The following AOC2 variants were observed in gnomAD, a reference collection of about 807,000 sequenced individuals.
The protein encoded by AOC2 is amine oxidase [copper-containing] 2.
AOC2 carries 57 observed loss-of-function variants against 53.8 expected under a neutral mutation model. That is an observed-to-expected ratio of 1.06 (90% CI 0.86 to 1.32). The LOEUF (loss-of-function observed/expected upper bound fraction) is 1.32, where lower values mean the gene tolerates loss of function less well. AOC2 is among the 40% of genes most tolerant of loss of function. The pLI is 0.00. For missense variants in AOC2, 1,008 were observed against 957.2 expected (o/e 1.05, Z -0.70); for synonymous variants, 404 against 399.0 (o/e 1.01, Z -0.15).
Position 42,845,207 on chromosome 17 carries a change from C to T in AOC2, c.581C>T (p.Thr194Ile), listed in dbSNP as rs777769204. Reference protein sequence around the residue: ...LPKAPIFLSSTFNYNGSTLAA... With the variant: ...LPKAPIFLSSIFNYNGSTLAA... ...AAGGCACCCATCTTCCTGTCGTCCA[C>T]CTTCAACTACAATGGCTCTACCCTG... Residue 194 changes from threonine to isoleucine, a missense_variant, in exon 1 of 4, where the codon ACC (threonine) becomes ATC (isoleucine). Physicochemically the swap from Thr to Ile is moderately conservative, Grantham distance 89 (BLOSUM62 -1). Transcript: ENST00000253799. The T allele has an allele frequency of 6.2e-7, 1 of 1,614,032 alleles. No homozygotes were observed. The highest frequency in any genetic ancestry group is 8.5e-7 in the Non-Finnish European group (1 of 1,180,026).
chr17:42,850,318 C>T lies in AOC2; in HGVS notation c.2241C>T (p.Asp747=), dbSNP rs767601829. ...CLPDLAACVP[D]LPPFSYHGF is the part of the protein sequence containing the mutation. ...CCGACCTGGCAGCCTGTGTCCCGGACTTACCCCCTTTCTCTTACCACGGCT... is the reference window on the plus strand; with the variant it reads ...CCGACCTGGCAGCCTGTGTCCCGGATTTACCCCCTTTCTCTTACCACGGCT... Residue 747 remains aspartate (D), a synonymous_variant, in exon 4 of 4, where the codon GAC becomes GAT. Transcript: ENST00000253799. 23 of 1,606,810 alleles carry T rather than the reference C, an allele frequency of 1.4e-5. No individual in the cohort carries two copies. In the South Asian group the frequency reaches 1.8e-4, roughly 12 times the overall value.
intron 1 of AOC2, among the ~76,000 whole-genome samples, chr17:42,848,797 C>T (rs1014121103): frequency 2.0e-5 from 3 of 151,924 alleles, no homozygotes; most frequent in Non-Finnish European, 2.9e-5. Flanking sequence ...ATGATCCACC[C>T]GCCTCAGCCT....
In AOC2 at chr17:42,845,654, T is replaced by G. The variant is rs1364389653; in HGVS notation, c.1028T>G (p.Ile343Ser). 2 of 1,614,174 alleles carry G rather than the reference T, an allele frequency of 1.2e-6. No homozygotes were observed. Among genetic ancestry groups the G allele is most frequent in the Admixed American group, 3.3e-5 (2 of 60,028 alleles). Residue 343 changes from isoleucine to serine, a missense_variant, in exon 1 of 4, where the codon ATT (isoleucine) becomes AGT (serine). By Grantham distance (142) the Ile-to-Ser change is moderately radical. Transcript: ENST00000253799. ...CATGGGGTGTTCAGCGGCCTGAGGA[T>G]TTTTGATGTTCGGTTCCAGGGTGAG... ...FGHGVFSGLR[I>S]FDVRFQGERI...
In AOC2 at chr17:42,845,713, G is replaced by A. The variant is rs1719442000; in HGVS notation, c.1087G>A (p.Val363Ile). 1 of 1,614,196 alleles carries A rather than the reference G, an allele frequency of 6.2e-7. No homozygotes were observed. The highest frequency in any genetic ancestry group is 8.5e-7 in the Non-Finnish European group (1 of 1,180,032). Reference sequence around the variant, plus strand: ...CTATGAAGTCAGTGTCCAGGAGTGTGTATCTATCTATGGTGCCGATTCACC... The same window carrying A: ...CTATGAAGTCAGTGTCCAGGAGTGTATATCTATCTATGGTGCCGATTCACC... The part of the protein sequence containing the change: ...IAYEVSVQEC[V>I]SIYGADSPKT... Residue 363 changes from valine (V) to isoleucine (I), a missense_variant, in exon 1 of 4, where the codon GTA becomes ATA. Physicochemically the swap from Val to Ile is conservative, Grantham distance 29 (BLOSUM62 3). Transcript: ENST00000253799.
In AOC2 at chr17:42,845,664, T is replaced by G; in HGVS notation, c.1038T>G (p.Val346=). The change falls in exon 1 of 4, where the codon GTT becomes GTG. Residue 346 remains valine (V), a synonymous_variant. Transcript: ENST00000253799. ...GVFSGLRIFD[V]RFQGERIAYE... ...TCAGCGGCCTGAGGATTTTTGATGT[T>G]CGGTTCCAGGGTGAGCGAATAGCCT... 6.2e-7 allele frequency: 1 copy of G among 1,614,196 alleles called. No homozygotes were observed. The highest frequency in any genetic ancestry group is 8.5e-7 in the Non-Finnish European group (1 of 1,180,040).
chr17:42,845,290 G>C lies in AOC2; in HGVS notation c.664G>C (p.Ala222Pro), dbSNP rs770412043. 2.6e-5 allele frequency: 42 copies of C among 1,614,022 alleles called. No homozygotes were observed. Among genetic ancestry groups the C allele is most frequent in the Non-Finnish European group, 3.3e-5 (39 of 1,180,040 alleles). Residue 222 changes from alanine (A) to proline (P), a missense_variant, in exon 1 of 4, where the codon GCC becomes CCC. By Grantham distance (27) the Ala-to-Pro change is conservative (BLOSUM62 -1). Transcript: ENST00000253799. Reference sequence around the variant, plus strand: ...CTCAGGGGACCGAGCTACCTGGATGGCCCTCTACCATAACATCTCAGGGGT... The same window carrying C: ...CTCAGGGGACCGAGCTACCTGGATGCCCCTCTACCATAACATCTCAGGGGT... ...LRSGDRATWM[A>P]LYHNISGVGL... is the part of the protein sequence containing the mutation.
Position 42,849,101 on chromosome 17 carries a change from T to C in AOC2, c.1604T>C (p.Val535Ala), listed in dbSNP as rs952170115. ...CCCCTGGCAGGGCTGAAAAACTGGG[T>C]GGTAGCTGAAGACGTGGTGTTTAAA... The part of the protein sequence containing the change: ...DLDVAGLKNW[V>A]VAEDVVFKPV... Residue 535 changes from valine to alanine, a missense_variant, in exon 2 of 4, where the codon GTG (valine) becomes GCG (alanine). Coordinates refer to ENST00000253799, the MANE Select transcript of AOC2 (RefSeq NM_009590.4). 1.2e-6 allele frequency: 2 copies of C among 1,607,954 alleles called. No individual in the cohort carries two copies. Among genetic ancestry groups the C allele is most frequent in the African/African-American group, 2.7e-5 (2 of 74,736 alleles).
In AOC2 at chr17:42,849,370, A is replaced by G; in HGVS notation, c.1873A>G (p.Arg625Gly). 6.2e-7 allele frequency: 1 copy of G among 1,609,916 alleles called. No individual in the cohort carries two copies. Among genetic ancestry groups the G allele is most frequent in the Non-Finnish European group, 8.5e-7 (1 of 1,176,848 alleles). The change falls in exon 2 of 4, where the codon AGA becomes GGA. Residue 625 changes from arginine to glycine, a missense_variant and splice_region_variant. Physicochemically the swap from Arg to Gly is moderately radical, Grantham distance 125. Coordinates refer to ENST00000253799, the MANE Select transcript of AOC2 (RefSeq NM_009590.4). Reference sequence around the variant, plus strand: ...CATGGAGAGGGCCCTCAGCTGGGGGAGGTGAGGAGGGCCCTGGCCTGGGTG... The same window carrying G: ...CATGGAGAGGGCCCTCAGCTGGGGGGGGTGAGGAGGGCCCTGGCCTGGGTG... ...SDMERALSWG[R>G]YQLVVTQRKE...
chr17:42,849,793 C>A, intron 3 of AOC2, 63 bp downstream of exon 3: 2 of 1,608,940 alleles, frequency 1.2e-6, no homozygotes, highest in South Asian at 1.1e-5. Flanking sequence ...GCTGCCCAGC[C>A]TCTGGCCAAA....
At chr17:42,847,466 G>A (rs973564886) in intron 1 of AOC2, among the ~76,000 whole-genome samples, 1 of 152,240 alleles carries the variant, frequency 6.6e-6, no homozygotes, top group African/African-American at 2.4e-5. Context: ...GAGTTAGGCA[G>A]TGCAGGTTAT....
At chr17:42,847,755 A>G (rs2055609963) in intron 1 of AOC2, among the ~76,000 whole-genome samples, 1 of 150,592 alleles carries the variant, frequency 6.6e-6, no homozygotes, top group African/African-American at 2.4e-5. Flanking sequence ...AGTAGCTGGG[A>G]TGACAGGCAT....
Position 42,845,704 on chromosome 17 carries a change from C to T in AOC2, c.1078C>T (p.Gln360Ter). Residue 360 changes from glutamine (Q) to a stop codon, truncating the protein, a stop_gained, in exon 1 of 4, where the codon CAG (glutamine) becomes TAG (stop). Transcript: ENST00000253799. LOFTEE classifies it high-confidence loss of function. ...GCGAATAGCCTATGAAGTCAGTGTC[C>T]AGGAGTGTGTATCTATCTATGGTGC... ...GERIAYEVSV[Q>*]ECVSIYGADS... is the part of the protein sequence containing the mutation. 6.2e-7 allele frequency: 1 copy of T among 1,614,150 alleles called. No homozygotes were observed. Among genetic ancestry groups the T allele is most frequent in the Middle Eastern group, 1.6e-4 (1 of 6,062 alleles).
At chr17:42,847,410 G>A (rs562776620) in intron 1 of AOC2, among the ~76,000 whole-genome samples, 6 of 152,242 alleles carry the variant, frequency 3.9e-5, no homozygotes, top group South Asian at 2.1e-4. Context: ...TATAGGTCTC[G>A]TTGAACTTAC....
In AOC2 at chr17:42,845,336, T is replaced by G. The variant is rs1367730831; in HGVS notation, c.710T>G (p.Val237Gly). The G allele has an allele frequency of 6.2e-7, 1 of 1,614,160 alleles. No individual in the cohort carries two copies. Among genetic ancestry groups the G allele is most frequent in the East Asian group, 2.2e-5 (1 of 44,884 alleles). ...GGGGTTGGTCTTTTCCTTCACCCCG[T>G]GGGGCTGGAGCTACTACTGGACCAC... is the stretch of plus-strand genomic sequence containing the variant. The part of the protein sequence containing the change: ...ISGVGLFLHP[V>G]GLELLLDHRA... The change falls in exon 1 of 4, where the codon GTG (valine) becomes GGG (glycine). Residue 237 changes from valine to glycine, a missense_variant. Coordinates refer to ENST00000253799, the MANE Select transcript of AOC2 (RefSeq NM_009590.4).
chr17:42,849,083 C>T lies in AOC2; in HGVS notation c.1589-3C>T. 1 of 1,605,916 alleles carries T rather than the reference C, an allele frequency of 6.2e-7. No homozygotes were observed. ...ACTCATCTCCTTTCCCTCCCCCTGG[C>T]AGGGCTGAAAAACTGGGTGGTAGCT... On this transcript the variant is annotated splice_polypyrimidine_tract_variant and splice_region_variant and intron_variant, in intron 1 of 3. Transcript: ENST00000253799.
At chr17:42,848,696 A>G (rs1168697550) in intron 1 of AOC2, among the ~76,000 whole-genome samples, 2 of 151,556 alleles carry the variant, frequency 1.3e-5, no homozygotes, top group African/African-American at 2.4e-5. Flanking sequence ...GACCACAGGC[A>G]TGTACCACCA....
rs1233690343 is a variant in AOC2, at chr17:42,845,667, GT to G, written c.1043del (p.Phe348SerfsTer6). The stretch of plus-strand genomic sequence containing the variant: ...GCGGCCTGAGGATTTTTGATGTTCG[GT>G]TCCAGGGTGAGCGAATAGCCTATGA... ...FSGLRIFDVR[F>X]QGERIAYEVS... On this transcript the variant is annotated frameshift_variant, in exon 1 of 4. Transcript: ENST00000253799. LOFTEE classifies it high-confidence loss of function. 6.8e-6 allele frequency: 11 copies of G among 1,614,188 alleles called. No individual in the cohort carries two copies. Among genetic ancestry groups the G allele is most frequent in the Non-Finnish European group, 9.3e-6 (11 of 1,180,032 alleles).
Position 42,850,120 on chromosome 17 carries a change from T to C in AOC2, c.2043T>C (p.Ile681=). ...GGGTCACAGCCAGCTTCCTGCACAT[T>C]CCCCATGCCGAGGACATCCCAAACA... ...VAWVTASFLH[I]PHAEDIPNTV... is the part of the protein sequence containing the mutation. The change falls in exon 4 of 4, where the codon ATT becomes ATC. Residue 681 remains isoleucine (I), a synonymous_variant. Transcript: ENST00000253799. The C allele has an allele frequency of 1.1e-5, 18 of 1,614,168 alleles. No individual in the cohort carries two copies. The highest frequency in any genetic ancestry group is 1.4e-5 in the Non-Finnish European group (17 of 1,180,024).
rs267604890 is a variant in AOC2, at chr17:42,849,272, C to T, written c.1775C>T (p.Ala592Val). Residue 592 changes from alanine to valine, a missense_variant, in exon 2 of 4, where the codon GCG (alanine) becomes GTG (valine). Coordinates refer to ENST00000253799, the MANE Select transcript of AOC2 (RefSeq NM_009590.4). ...YLYLASNQTN[A>V]WGHQRGYRIQ... ...TACCTGGCTAGCAACCAGACTAATGCGTGGGGTCACCAGCGCGGGTACCGA... is the reference window on the plus strand; with the variant it reads ...TACCTGGCTAGCAACCAGACTAATGTGTGGGGTCACCAGCGCGGGTACCGA... 17 of 1,614,180 alleles carry T rather than the reference C, an allele frequency of 1.1e-5. No individual in the cohort carries two copies. Among genetic ancestry groups the T allele is most frequent in the African/African-American group, 5.3e-5 (4 of 75,048 alleles).
Sources: gnomAD v4.1 joint callset for allele counts (sites outside exome capture counted in the v4.1 genomes callset) on GRCh38, gnomAD v4.1.1 for gene constraint, MANE v1.5 for transcripts, NCBI Gene and HGNC (gene_info 2026-07-23, HGNC 2026-07-21) for gene names.